Variants in PCDHGB2 observed in about 807,000 individuals in gnomAD.
PCDHGB2 encodes protocadherin gamma subfamily B, 2.
PCDHGB2 carries 55 observed loss-of-function variants against 59.3 expected under a neutral mutation model. The ratio of observed to expected loss-of-function variants is 0.93; its 90% CI spans 0.75 to 1.16. The LOEUF (loss-of-function observed/expected upper bound fraction) is 1.16, where lower values mean the gene tolerates loss of function less well. PCDHGB2 is among the 50% of genes most tolerant of loss of function. The probability of loss-of-function intolerance (pLI) is 0.00; values close to 1 mark genes in which losing one functional copy is unlikely to be tolerated. For missense variants in PCDHGB2, 1,228 were observed against 1,198.5 expected (o/e 1.02, Z -0.36); for synonymous variants, 516 against 512.0 (o/e 1.01, Z -0.11).
intron 2 of PCDHGB2, among the ~76,000 whole-genome samples, chr5:141,504,288 G>GT (rs1175142876): frequency 6.6e-6 from 1 of 152,124 alleles, no homozygotes; most frequent in African/African-American, 2.4e-5. Context: ...ATCATTTCAT[G>GT]TTTTTTCAAC....
rs200016406 is a variant in PCDHGB2 at position 141,383,092 on chromosome 5, C to T, written c.2421+20536C>T. The T allele has an allele frequency of 3.1e-4, 507 of 1,613,932 alleles. 2 individuals are homozygous for T. Among genetic ancestry groups the T allele is most frequent in the Middle Eastern group, 1.7e-3 (10 of 6,060 alleles). The stretch of plus-strand genomic sequence containing the variant: ...CCGGGAGCTGGCGGAGCGCGGAGTC[C>T]GCATCATCTCCAGAGGTAGGACGCA... On this transcript the variant is annotated intron_variant, in intron 1 of 3. Coordinates refer to ENST00000522605, the MANE Select transcript of PCDHGB2 (RefSeq NM_018923.3).
At chr5:141,419,728 A>T (rs2096421858) in intron 1 of PCDHGB2, 1 of 1,613,466 alleles carries the variant, frequency 6.2e-7, no homozygotes. Flanking sequence ...GGCTGCGAAC[A>T]GGCGAGGTGC....
intron 1 of PCDHGB2, chr5:141,399,545 C>T (rs978973236): frequency 6.2e-7 from 1 of 1,614,050 alleles, no homozygotes; most frequent in African/African-American, 1.3e-5. Flanking sequence ...GTCTGCGCCT[C>T]GGACCTGGAC....
chr5:141,485,814 CT>C lies in PCDHGB2; in HGVS notation c.2422-8992del, dbSNP rs2099619658. On this transcript the variant is annotated intron_variant, in intron 1 of 3. Transcript: ENST00000522605. The surrounding 1 kb of genome is among the most constrained non-coding windows in gnomAD (Gnocchi z 5.7). ...TCGGACTACCGCCTGGTGCTGACTGCTGTCGATGGAGGGAACCCGCCGAGAT... is the reference window on the plus strand; with the variant it reads ...TCGGACTACCGCCTGGTGCTGACTGCGTCGATGGAGGGAACCCGCCGAGAT... The C allele has an allele frequency of 6.2e-7, 1 of 1,613,864 alleles. No individual in the cohort carries two copies. Among genetic ancestry groups the C allele is most frequent in the Non-Finnish European group, 8.5e-7 (1 of 1,179,990 alleles).
intron 1 of PCDHGB2, chr5:141,379,058 G>A (rs533303980): frequency 1.3e-5 from 2 of 152,256 alleles, no homozygotes; most frequent in South Asian, 2.1e-4. Context: ...AGAATGGATT[G>A]GCCACTTGTG....
rs767425379 is a variant in PCDHGB2, at chr5:141,403,635, T to C, written c.2421+41079T>C. 1.1e-5 allele frequency: 18 copies of C among 1,613,902 alleles called. No individual in the cohort carries two copies. The South Asian group carries it at 1.8e-4, about 16-fold the overall frequency. On this transcript the variant is annotated intron_variant, in intron 1 of 3. Transcript: ENST00000522605. ...CCGCGTCGCTCCAGCACAGTGCGCA[T>C]CCATGTGACAGTGTTGGATACAAAT... is the stretch of plus-strand genomic sequence containing the variant.
At chr5:141,373,954 T>C (rs1439763136) in intron 1 of PCDHGB2, 3 of 850,698 alleles carry the variant, frequency 3.5e-6, no homozygotes, top group East Asian at 5.9e-5. Context: ...GCAGAAATTC[T>C]GACCTGAAAC....
intron 1 of PCDHGB2, chr5:141,375,531 A>G: frequency 1.2e-6 from 2 of 1,614,040 alleles, no homozygotes; most frequent in Non-Finnish European, 1.7e-6. Context: ...GACGTGGACC[A>G]GAACGCCCAA....
At chr5:141,430,907 A>G (rs776543955) in intron 1 of PCDHGB2, 1 of 1,606,916 alleles carries the variant, frequency 6.2e-7, no homozygotes, top group Non-Finnish European at 8.5e-7. Flanking sequence ...CGACATCTCC[A>G]GGGACCTGGG....
intron 1 of PCDHGB2, chr5:141,423,244 C>T: frequency 1.2e-6 from 2 of 1,613,984 alleles, no homozygotes; most frequent in Non-Finnish European, 1.7e-6. Context: ...CCCCGAAGTC[C>T]TGGCGGACCT....
intron 1 of PCDHGB2, among the ~76,000 whole-genome samples, chr5:141,464,370 T>C (rs1239284694): frequency 6.6e-6 from 1 of 151,828 alleles, no homozygotes. Context: ...CCAATATTTT[T>C]GCAATATAAA....
Position 141,388,273 on chromosome 5 carries a change from C to T in PCDHGB2, c.2421+25717C>T. On this transcript the variant is annotated intron_variant, in intron 1 of 3. Coordinates refer to ENST00000522605, the MANE Select transcript of PCDHGB2 (RefSeq NM_018923.3). ...GAGATCGAGGACATTAATGACCACA[C>T]GCCAAAATTCACGCAAAATTCCTTT... The T allele has an allele frequency of 3.1e-6, 5 of 1,597,470 alleles. No homozygotes were observed. Among genetic ancestry groups the T allele is most frequent in the Non-Finnish European group, 4.3e-6 (5 of 1,172,964 alleles).
chr5:141,440,328 T>G (rs1311315077), intron 1 of PCDHGB2: 1 of 152,102 alleles, frequency 6.6e-6, no homozygotes. Context: ...TTACTGGGCA[T>G]GGTGGTGCAG....
At position 141,476,851 on chromosome 5, in the gene PCDHGB2, C is replaced by T; in HGVS notation, c.2422-17956C>T. ...CGAATGACAATGCGCCTGTCTTCAA[C>T]CAGTCCTTGTACCGGGCGCGCGTCC... On this transcript the variant is annotated intron_variant, in intron 1 of 3. Transcript: ENST00000522605. This position sits in a 1 kb window ranked among gnomAD's most constrained non-coding sequence, Gnocchi z 7.6. The T allele has an allele frequency of 6.2e-7, 1 of 1,613,836 alleles. No individual in the cohort carries two copies. Among genetic ancestry groups the T allele is most frequent in the Non-Finnish European group, 8.5e-7 (1 of 1,180,046 alleles).
intron 1 of PCDHGB2, among the ~76,000 whole-genome samples, chr5:141,380,091 G>T (rs538586012): frequency 6.6e-6 from 1 of 151,576 alleles, no homozygotes; most frequent in African/African-American, 2.4e-5. Flanking sequence ...GTAGAGATGG[G>T]GTTTTACCAT....
intron 2 of PCDHGB2, 69 bp from the exon 3 acceptor site, chr5:141,505,324 G>T: frequency 6.2e-7 from 1 of 1,607,102 alleles, no homozygotes; most frequent in African/African-American, 1.3e-5. Context: ...GGAGCCCTGG[G>T]AGAGGACAGG....
At chr5:141,366,020 T>A in intron 1 of PCDHGB2, 2 of 1,614,210 alleles carry the variant, frequency 1.2e-6, no homozygotes, top group South Asian at 2.2e-5. Flanking sequence ...TGAGATCCTG[T>A]ACCCCGCCCT....
intron 3 of PCDHGB2, among the ~76,000 whole-genome samples, chr5:141,509,420 G>A (rs1384424118): frequency 6.6e-6 from 1 of 152,128 alleles, no homozygotes; most frequent in East Asian, 1.9e-4. Context: ...GAGCCCCAAT[G>A]AGTCAAACTC....
intron 1 of PCDHGB2, chr5:141,370,191 T>C: frequency 1.9e-6 from 1 of 522,822 alleles, no homozygotes; most frequent in Non-Finnish European, 3.3e-6. Context: ...TCTTGGCTAG[T>C]GCTGTGCAAA....
Sources: allele counts gnomAD v4.1 joint callset (sites outside exome capture counted in the v4.1 genomes callset), GRCh38; gene constraint gnomAD v4.1.1; non-coding constraint Gnocchi (gnomAD v3.1); transcripts MANE v1.5; gene names NCBI Gene and HGNC (gene_info 2026-07-23, HGNC 2026-07-21).